The following CDH12 variants were observed in gnomAD, a reference collection of about 807,000 sequenced individuals.
The protein encoded by CDH12 is cadherin-12.
A neutral mutation model predicts 74.1 loss-of-function variants in CDH12; 41 were observed. The observed-to-expected ratio is 0.55, with a 90% CI of 0.43 to 0.72. The LOEUF (loss-of-function observed/expected upper bound fraction) is 0.72, where lower values mean the gene tolerates loss of function less well. Among genes scored for constraint, CDH12 ranks in the 30% least tolerant of loss-of-function variants. The pLI, the probability that CDH12 is intolerant of heterozygous loss-of-function variation, is 0.00. For synonymous variants in CDH12, 399 were observed against 355.0 expected (o/e 1.12, Z -1.39); for missense variants, 945 against 977.2 (o/e 0.97, Z 0.44).
intron 1 of CDH12, among the ~76,000 whole-genome samples, chr5:22,669,012 C>T (rs907111932): frequency 2.6e-5 from 4 of 152,112 alleles, no homozygotes; most frequent in African/African-American, 9.7e-5. Flanking sequence ...ACTTGAGGCA[C>T]CAGGATTCAT....
chr5:22,042,408 A>G (rs1580158608), intron 5 of CDH12, among the ~76,000 whole-genome samples: 1 of 152,140 alleles, frequency 6.6e-6, no homozygotes, highest in Non-Finnish European at 1.5e-5. Flanking sequence ...AGATAAACTA[A>G]GAAAATAAGG....
intron 1 of CDH12, among the ~76,000 whole-genome samples, chr5:22,743,255 G>A (rs1224953548): frequency 9.1e-6 from 1 of 109,604 alleles, no homozygotes; most frequent in Non-Finnish European, 1.8e-5. Context: ...ATAATAGCAT[G>A]GAGATTATAT....
chr5:22,315,489 C>T (rs991955583), intron 3 of CDH12, among the ~76,000 whole-genome samples: 1 of 151,942 alleles, frequency 6.6e-6, no homozygotes, highest in Non-Finnish European at 1.5e-5. Flanking sequence ...AGTATTACCT[C>T]TGAGAGTTGG....
chr5:22,266,397 C>T (rs933542746), intron 3 of CDH12, among the ~76,000 whole-genome samples: 1 of 151,926 alleles, frequency 6.6e-6, no homozygotes, highest in African/African-American at 2.4e-5. Flanking sequence ...TTTAATTAAA[C>T]CATAATCTCT....
chr5:22,675,844 T>C (rs1045446699), intron 1 of CDH12, among the ~76,000 whole-genome samples: 4 of 120,602 alleles, frequency 3.3e-5, no homozygotes, highest in African/African-American at 1.3e-4. Flanking sequence ...AAATACATAT[T>C]TGTATATATT....
chr5:22,406,018 A>G (rs999437350), intron 2 of CDH12, among the ~76,000 whole-genome samples: 14 of 152,202 alleles, frequency 9.2e-5, no homozygotes, highest in African/African-American at 3.4e-4. Context: ...GTACATATTC[A>G]TTACGGATGC....
chr5:22,582,460 C>T (rs1357249542), intron 1 of CDH12, among the ~76,000 whole-genome samples: 1 of 152,124 alleles, frequency 6.6e-6, no homozygotes, highest in African/African-American at 2.4e-5. Context: ...CTTGTATATG[C>T]TTCCTGGTGA....
chr5:21,997,502 A>G (rs905509008), intron 5 of CDH12, among the ~76,000 whole-genome samples: 18 of 152,140 alleles, frequency 1.2e-4, no homozygotes, highest in African/African-American at 4.3e-4. Flanking sequence ...TGTAAACCTG[A>G]AAAATTAAAG....
rs547890962 is a variant in CDH12 at position 22,287,676 on chromosome 5, T to C, written c.-332-75033A>G. Among the ~76,000 whole-genome samples the C allele has an allele frequency of 2.7e-3, 396 of 145,700 alleles. 4 individuals carry two copies. The highest frequency in any genetic ancestry group is 9.2e-3 in the African/African-American group (360 of 39,206). ...AGGCGGAGCTTGCAGTGAGCCGAGATTGCGCCACTGCAATCCTGCCTGGGC... is the reference window on the plus strand; with the variant it reads ...AGGCGGAGCTTGCAGTGAGCCGAGACTGCGCCACTGCAATCCTGCCTGGGC... On this transcript the variant is annotated intron_variant, in intron 3 of 14. Coordinates refer to ENST00000382254, the MANE Select transcript of CDH12 (RefSeq NM_004061.5).
At chr5:22,678,458 T>G (rs1201722712) in intron 1 of CDH12, among the ~76,000 whole-genome samples, 3 of 152,164 alleles carry the variant, frequency 2.0e-5, no homozygotes, top group Admixed American at 2.0e-4. Flanking sequence ...CTACAAATCA[T>G]ATGAATCAAG....
chr5:22,059,253 C>CCCTATCTATCTA (rs147939422), intron 5 of CDH12, among the ~76,000 whole-genome samples: 1 of 144,216 alleles, frequency 6.9e-6, no homozygotes, highest in Non-Finnish European at 1.5e-5. Flanking sequence ...TTTCCTTGTA[C>CCCTATCTATCTA]TCTATCTATC....
At chr5:22,541,312 C>T (rs1184582691) in intron 1 of CDH12, among the ~76,000 whole-genome samples, 1 of 152,164 alleles carries the variant, frequency 6.6e-6, no homozygotes, top group African/African-American at 2.4e-5. Flanking sequence ...CAGGCTCTTG[C>T]CTCTTAACTT....
At chr5:22,351,846 A>G (rs1361633932) in intron 3 of CDH12, among the ~76,000 whole-genome samples, 2 of 152,160 alleles carry the variant, frequency 1.3e-5, no homozygotes, top group South Asian at 2.1e-4. Context: ...GTGGTAAACT[A>G]TTTTCACAAA....
chr5:22,447,763 C>T (rs915982940), intron 2 of CDH12, among the ~76,000 whole-genome samples: 2 of 151,722 alleles, frequency 1.3e-5, no homozygotes, highest in African/African-American at 4.8e-5. Context: ...AAAAGTAAAA[C>T]AAAATAAAGC....
At chr5:21,869,896 G>A (rs1751525238) in intron 6 of CDH12, among the ~76,000 whole-genome samples, 1 of 152,108 alleles carries the variant, frequency 6.6e-6, no homozygotes, top group Non-Finnish European at 1.5e-5. Context: ...TTGGCTCTGT[G>A]TCCCCACCCA....
At position 21,802,356 on chromosome 5, in the gene CDH12, T is replaced by C; in HGVS notation, c.1067A>G (p.Asp356Gly). The change falls in exon 10 of 15, where the codon GAC (aspartate) becomes GGC (glycine). Residue 356 changes from aspartate (D) to glycine (G), a missense_variant. Coordinates refer to ENST00000382254, the MANE Select transcript of CDH12 (RefSeq NM_004061.5). Reference sequence around the variant, plus strand: ...AGGGCCCGCCGAGTGAAACCGGTGGTCAAGGTGAAGGTTGGAAGCCTCAAC... The same window carrying C: ...AGGGCCCGCCGAGTGAAACCGGTGGCCAAGGTGAAGGTTGGAAGCCTCAAC... The part of the protein sequence containing the change: ...FKVEASNLHL[D>G]HRFHSAGPFK... The C allele has an allele frequency of 6.2e-7, 1 of 1,613,790 alleles. No individual in the cohort carries two copies. Among genetic ancestry groups the C allele is most frequent in the Non-Finnish European group, 8.5e-7 (1 of 1,179,912 alleles).
chr5:22,757,012 T>C (rs1325312131), intron 1 of CDH12, among the ~76,000 whole-genome samples: 2 of 152,248 alleles, frequency 1.3e-5, no homozygotes, highest in East Asian at 3.9e-4. Flanking sequence ...TTATTCATGC[T>C]AGCTGTTTTC....
At chr5:22,020,511 G>A (rs1425387010) in intron 5 of CDH12, among the ~76,000 whole-genome samples, 2 of 150,512 alleles carry the variant, frequency 1.3e-5, no homozygotes, top group Non-Finnish European at 1.5e-5. Context: ...CTGAGATGGT[G>A]CCACTGCACT....
chr5:22,654,191 TTC>T (rs1739895824), intron 1 of CDH12, among the ~76,000 whole-genome samples: 2 of 151,584 alleles, frequency 1.3e-5, no homozygotes, highest in African/African-American at 4.8e-5. Flanking sequence ...CTTTCTTTCT[TTC>T]TTTCTTTTCT....
Sources: gnomAD v4.1 joint callset for allele counts (sites outside exome capture counted in the v4.1 genomes callset) on GRCh38, gnomAD v4.1.1 for gene constraint, MANE v1.5 for transcripts, NCBI Gene and HGNC (gene_info 2026-07-23, HGNC 2026-07-21) for gene names.